RYR3: variants seen among roughly 807,000 people sequenced by gnomAD.
RYR3 encodes brain ryanodine receptor-calcium release channel.
RYR3 carries 207 observed loss-of-function variants against 584.3 expected under a neutral mutation model. That is an observed-to-expected ratio of 0.35 (90% confidence interval 0.32 to 0.40). The LOEUF (loss-of-function observed/expected upper bound fraction) is 0.40, where lower values mean the gene tolerates loss of function less well. Ranked by LOEUF, RYR3 falls within the 10% of genes least tolerant of loss-of-function variation. The pLI is 1.00. For missense variants in RYR3, 5,616 were observed against 6,089.2 expected, an observed-to-expected ratio of 0.92 and a Z score of 2.59; for synonymous variants, 2,416 against 2,248.5, an observed-to-expected ratio of 1.07 and a Z score of -2.11.
At chr15:33,580,321 A>G (rs1377646975) in intron 13 of RYR3, among the ~76,000 whole-genome samples, 177 bp downstream of exon 13, 1 of 152,248 alleles carries the variant, frequency 6.6e-6, no homozygotes, top group Non-Finnish European at 1.5e-5. Context: ...AAACCTGGTT[A>G]CATTAGCAAT....
intron 43 of RYR3, among the ~76,000 whole-genome samples, chr15:33,713,185 A>G (rs1567006101): frequency 2.0e-5 from 3 of 152,136 alleles, no homozygotes; most frequent in Admixed American, 6.5e-5. Context: ...GGAAGTATTC[A>G]TGGTGGGTGA....
At chr15:33,510,708 G>C (rs564474759) in intron 3 of RYR3, among the ~76,000 whole-genome samples, 77 of 151,038 alleles carry the variant, frequency 5.1e-4, no homozygotes, top group Non-Finnish European at 9.0e-4. Context: ...GAATCATTTT[G>C]ATAAATTAAA....
Position 33,793,968 on chromosome 15 carries a change from A to C in RYR3, c.9830+5510A>C, listed in dbSNP as rs1236870063. Among the ~76,000 whole-genome samples the C allele has an allele frequency of 4.0e-5, 4 of 99,494 alleles. No homozygotes were observed. In the Admixed American group the frequency reaches 4.3e-4, roughly 11 times the overall value. The allele number at this position is 99,494 out of a possible 152,430, so 65.3% of individuals were successfully genotyped here. A position where few individuals can be genotyped will look rare whatever the true frequency, so the allele number is the denominator to read the frequency against. On this transcript the variant is annotated intron_variant, in intron 67 of 103. Transcript: ENST00000634891. ...AATATATATTTATTTATTTATGTAA[A>C]TGTATATATAAATAAATATATAAAT... is the stretch of plus-strand genomic sequence containing the variant.
chr15:33,709,985 G>T (rs1190951129), intron 43 of RYR3, among the ~76,000 whole-genome samples: 1 of 152,280 alleles, frequency 6.6e-6, no homozygotes, highest in East Asian at 1.9e-4. Context: ...CCACTCATGG[G>T]TTCTGTACTC....
chr15:33,339,329 C>G lies in RYR3; in HGVS notation c.51+28233C>G, dbSNP rs557652323. ...GATTTACGTTTTAGAAGGAAGACTTCTGCCCGTATTTTGGAGAGGATGAAA... is the reference window on the plus strand; with the variant it reads ...GATTTACGTTTTAGAAGGAAGACTTGTGCCCGTATTTTGGAGAGGATGAAA... On this transcript the variant is annotated intron_variant, in intron 1 of 103. Coordinates refer to ENST00000634891, the MANE Select transcript of RYR3 (RefSeq NM_001036.6). Among the ~76,000 whole-genome samples the G allele has an allele frequency of 5.3e-5, 8 of 152,296 alleles. No individual in the cohort carries two copies. The South Asian group carries it at 1.7e-3, about 32-fold the overall frequency.
intron 70 of RYR3, among the ~76,000 whole-genome samples, 184 bp from the exon 71 acceptor site, chr15:33,810,295 G>A (rs2076451778): frequency 6.6e-6 from 1 of 152,152 alleles, no homozygotes; most frequent in Admixed American, 6.6e-5. Context: ...CAGGGTTATG[G>A]CTGGTCTTTG....
chr15:33,726,572 T>C, intron 46 of RYR3, 66 bp downstream of exon 46: 1 of 1,498,726 alleles, frequency 6.7e-7, no homozygotes, highest in Non-Finnish European at 8.9e-7. Flanking sequence ...GGCAGGACTC[T>C]GTCCCCAGCA....
intron 36 of RYR3, among the ~76,000 whole-genome samples, chr15:33,668,063 G>GAAAA (rs35864583): frequency 0.84 from 81,254 of 97,152 alleles, 34,698 homozygotes; most frequent in Non-Finnish European, 0.91. Context: ...ACTCAGTCTT[G>GAAAA]AAAAAAAAAA....
At chr15:33,694,557 A>AG (rs1424225091) in intron 38 of RYR3, among the ~76,000 whole-genome samples, 1 of 151,664 alleles carries the variant, frequency 6.6e-6, no homozygotes, top group Admixed American at 6.6e-5. Flanking sequence ...ATTTTTTTGA[A>AG]TAATATGACA....
chr15:33,642,715 C>A lies in RYR3; in HGVS notation c.3557-1596C>A, dbSNP rs556031249. ...AAGGAGATGGTTTCATCCATCGCAG[C>A]CCCTATCACAAAAATACAGAAGCAT... On this transcript the variant is annotated intron_variant, in intron 27 of 103. Coordinates refer to ENST00000634891, the MANE Select transcript of RYR3 (RefSeq NM_001036.6). Among the ~76,000 whole-genome samples, 23 of 152,356 alleles carry A rather than the reference C, an allele frequency of 1.5e-4. No homozygotes were observed. In the South Asian group the frequency reaches 4.8e-3, roughly 32 times the overall value.
At chr15:33,408,655 G>A (rs1382217619) in intron 1 of RYR3, among the ~76,000 whole-genome samples, 4 of 152,146 alleles carry the variant, frequency 2.6e-5, no homozygotes, top group African/African-American at 4.8e-5. Flanking sequence ...AGCCTCACTA[G>A]CATCGGTTTT....
At chr15:33,726,283 A>G in intron 45 of RYR3, 103 bp from the exon 46 acceptor site, 2 of 1,257,034 alleles carry the variant, frequency 1.6e-6, no homozygotes, top group Non-Finnish European at 2.2e-6. Flanking sequence ...ATAGAAATGG[A>G]CCCCTGCCCT....
chr15:33,669,843 T>TC, intron 37 of RYR3, among the ~76,000 whole-genome samples: 1 of 22,110 alleles, frequency 4.5e-5, no homozygotes, highest in African/African-American at 1.2e-4. Context: ...TGTGTGTGTG[T>TC]GGGGGGGGGG....
intron 36 of RYR3, among the ~76,000 whole-genome samples, chr15:33,664,156 C>T (rs983501547): frequency 4.6e-5 from 7 of 152,158 alleles, no homozygotes; most frequent in Non-Finnish European, 1.0e-4. Context: ...TGAGAGTTGG[C>T]ACACAGTCTT....
At chr15:33,398,787 G>C (rs1023269970) in intron 1 of RYR3, among the ~76,000 whole-genome samples, 18 of 152,154 alleles carry the variant, frequency 1.2e-4, no homozygotes, top group African/African-American at 3.6e-4. Flanking sequence ...GCAGAGCCGA[G>C]CTGCGTTCCT....
chr15:33,749,820 C>A (rs2071104451), intron 55 of RYR3, among the ~76,000 whole-genome samples, 159 bp from the exon 56 acceptor site: 1 of 152,192 alleles, frequency 6.6e-6, no homozygotes, highest in Admixed American at 6.5e-5. Flanking sequence ...TAATGAGGTA[C>A]ATAAGCACAC....
intron 2 of RYR3, among the ~76,000 whole-genome samples, chr15:33,478,274 G>C (rs2049613225): frequency 6.6e-6 from 1 of 152,140 alleles, no homozygotes; most frequent in East Asian, 1.9e-4. Flanking sequence ...TCAGGGGCTG[G>C]CTTCTGGATT....
chr15:33,747,849 C>T (rs1217138166), intron 53 of RYR3, among the ~76,000 whole-genome samples: 4 of 152,174 alleles, frequency 2.6e-5, no homozygotes, highest in South Asian at 2.1e-4. Context: ...TCCTGTTCTT[C>T]GTCTACAGAA....
At chr15:33,361,676 T>C (rs939448809) in intron 1 of RYR3, among the ~76,000 whole-genome samples, 1 of 152,144 alleles carries the variant, frequency 6.6e-6, no homozygotes, top group African/African-American at 2.4e-5. Flanking sequence ...TCCCCAGCCT[T>C]GAAGAGACTC....
Sources: gnomAD v4.1 joint callset for allele counts (sites outside exome capture counted in the v4.1 genomes callset) on GRCh38, gnomAD v4.1.1 for gene constraint, MANE v1.5 for transcripts, NCBI Gene and HGNC (gene_info 2026-07-23, HGNC 2026-07-21) for gene names.